MYO5C: variants seen among roughly 807,000 people sequenced by gnomAD.
The protein encoded by MYO5C is unconventional myosin-Vc.
In MYO5C, 194 loss-of-function variants were observed where a neutral mutation model predicts 235.7. The ratio of observed to expected loss-of-function variants is 0.82; its 90% CI spans 0.73 to 0.93. The LOEUF (loss-of-function observed/expected upper bound fraction) is 0.93. Ranked by LOEUF, MYO5C falls within the 40% of genes least tolerant of loss-of-function variation. The probability of loss-of-function intolerance (pLI) is 0.00; values close to 1 mark genes in which losing one functional copy is unlikely to be tolerated. For synonymous variants in MYO5C, 707 were observed against 754.8 expected, an observed-to-expected ratio of 0.94 and a Z score of 1.04; for missense variants, 2,038 against 2,127.2, an observed-to-expected ratio of 0.96 and a Z score of 0.82.
chr15:52,247,903 C>G (rs1200427278), intron 14 of MYO5C, among the ~76,000 whole-genome samples: 2 of 152,182 alleles, frequency 1.3e-5, no homozygotes, highest in Non-Finnish European at 2.9e-5. Context: ...TGTGTCTCCA[C>G]CTGCAATCTC....
chr15:52,272,708 T>C lies in MYO5C; in HGVS notation c.622A>G (p.Lys208Glu). 1 of 1,613,116 alleles carries C rather than the reference T, an allele frequency of 6.2e-7. No individual in the cohort carries two copies. Among genetic ancestry groups the C allele is most frequent in the Non-Finnish European group, 8.5e-7 (1 of 1,179,824 alleles). Reference protein sequence around the residue: ...NPITEAVGNAKTTRNDNSSRF... With the variant: ...NPITEAVGNAETTRNDNSSRF... ...CTACTATTGTCATTGCGGGTGGTCT[T>C]GGCATTTCCAACGGCCTAAAAAAAA... Residue 208 changes from lysine (K) to glutamate (E), a missense_variant, in exon 6 of 41, where the codon AAG becomes GAG. Lys to Glu is a moderately conservative substitution (Grantham distance 56). Coordinates refer to ENST00000261839, the MANE Select transcript of MYO5C (RefSeq NM_018728.4).
chr15:52,244,316 A>T, intron 19 of MYO5C, 40 bp downstream of exon 19: 1 of 1,588,216 alleles, frequency 6.3e-7, no homozygotes. Context: ...CAGCACAGAA[A>T]GCCCCACAGT....
intron 1 of MYO5C, among the ~76,000 whole-genome samples, chr15:52,289,838 C>A (rs894041326): frequency 2.6e-5 from 4 of 152,200 alleles, no homozygotes; most frequent in Admixed American, 6.5e-5. Context: ...CCTGCTCAGG[C>A]CTCACCCTCT....
rs201396260 is a variant in MYO5C at position 52,229,116 on chromosome 15, C to G, written c.3207+17G>C. The G allele has an allele frequency of 5.6e-6, 9 of 1,613,292 alleles. No individual in the cohort carries two copies. The African/African-American group carries it at 8.0e-5, about 14-fold the overall frequency. On this transcript the variant is annotated intron_variant, in intron 25 of 40. Coordinates refer to ENST00000261839, the MANE Select transcript of MYO5C (RefSeq NM_018728.4). Reference sequence around the variant, plus strand: ...GACGTAACCAGAGGGCGGGGCTGAACGTGAGAGCCGCTCTACCTTGACCTG... The same window carrying G: ...GACGTAACCAGAGGGCGGGGCTGAAGGTGAGAGCCGCTCTACCTTGACCTG...
intron 1 of MYO5C, among the ~76,000 whole-genome samples, chr15:52,291,548 C>A (rs911156068): frequency 2.6e-5 from 4 of 151,870 alleles, no homozygotes; most frequent in African/African-American, 4.8e-5. Flanking sequence ...TCAGACTTTC[C>A]CTTTCCCCTT....
rs1444303050 is a variant in MYO5C, at chr15:52,286,045, G to A, written c.28-3153C>T. 4.6e-5 allele frequency among the ~76,000 whole-genome samples: 7 copies of A among 151,568 alleles called. No homozygotes were observed. In the East Asian group the frequency reaches 7.8e-4, roughly 17 times the overall value. On this transcript the variant is annotated intron_variant, in intron 1 of 40. Transcript: ENST00000261839. Reference sequence around the variant, plus strand: ...ATGTGGGGAGCGCCTCTGCCCTGCCGCCCCGTCTGGGATGTGAGGAGCGTC... The same window carrying A: ...ATGTGGGGAGCGCCTCTGCCCTGCCACCCCGTCTGGGATGTGAGGAGCGTC...
chr15:52,251,623 T>G, intron 12 of MYO5C, 108 bp from the exon 13 acceptor site: 1 of 568,272 alleles, frequency 1.8e-6, no homozygotes, highest in Non-Finnish European at 2.9e-6. Flanking sequence ...CTTAGTGAAC[T>G]GCTCTCAATT....
At chr15:52,216,739 C>T (rs191340960) in intron 32 of MYO5C, among the ~76,000 whole-genome samples, 1 of 152,164 alleles carries the variant, frequency 6.6e-6, no homozygotes, top group Non-Finnish European at 1.5e-5. Context: ...CCAGAATGTG[C>T]CTTTATATGG....
chr15:52,240,056 G>A (rs2036178126), intron 20 of MYO5C, among the ~76,000 whole-genome samples, 177 bp from the exon 21 acceptor site: 1 of 152,188 alleles, frequency 6.6e-6, no homozygotes, highest in African/African-American at 2.4e-5. Context: ...CCTGTAGCAG[G>A]TGTATATGAA....
intron 1 of MYO5C, among the ~76,000 whole-genome samples, chr15:52,287,412 GCTTA>G (rs1555421642): frequency 6.6e-6 from 1 of 152,138 alleles, no homozygotes; most frequent in Non-Finnish European, 1.5e-5. Context: ...ACGTCATGAA[GCTTA>G]CTTCATTAAA....
At chr15:52,232,560 A>G in intron 24 of MYO5C, 62 bp downstream of exon 24, 1 of 1,523,636 alleles carries the variant, frequency 6.6e-7, no homozygotes, top group Non-Finnish European at 9.1e-7. Context: ...ACTGAGATGG[A>G]AAATATAAAA....
chr15:52,261,248 C>T (rs2036689389), intron 9 of MYO5C, 121 bp from the exon 10 acceptor site: 2 of 1,176,740 alleles, frequency 1.7e-6, no homozygotes, highest in Admixed American at 5.0e-5. Flanking sequence ...GTAGCTGGCA[C>T]AAGGACGCCC....
At position 52,193,158 on chromosome 15, in the gene MYO5C, C is replaced by CA. The variant is rs1398529197; in HGVS notation, c.*743dup. 6.6e-6 allele frequency: 1 copy of CA among 151,842 alleles called. No individual in the cohort carries two copies. The highest frequency in any genetic ancestry group is 6.6e-5 in the Admixed American group (1 of 15,214). 9.4% of individuals were successfully genotyped at this position (151,842 alleles called of 1,614,324 possible). A position where few individuals can be genotyped will look rare whatever the true frequency, so the allele number is the denominator to read the frequency against. On this transcript the variant is annotated 3_prime_UTR_variant, in exon 41 of 41. Transcript: ENST00000261839. Reference sequence around the variant, plus strand: ...GTGAAACCTGTCTCCACTAAAAATACAAAAATTAGCTGGGCGTGGTGGCAG... The same window carrying CA: ...GTGAAACCTGTCTCCACTAAAAATACAAAAAATTAGCTGGGCGTGGTGGCAG...
chr15:52,278,793 T>C (rs1301736767), intron 4 of MYO5C, 80 bp downstream of exon 4: 1 of 1,538,308 alleles, frequency 6.5e-7, no homozygotes, highest in Non-Finnish European at 8.9e-7. Context: ...AACCTAGATA[T>C]CTCCCCTCCA....
rs572074952 is a variant in MYO5C at position 52,200,483 on chromosome 15, G to A, written c.4821-4000C>T. ...CTTGGGAGGCTGAGGCACGAGAATC[G>A]CTTGAACCCAGGCAGAGGTTGCAGT... On this transcript the variant is annotated intron_variant, in intron 38 of 40. Coordinates refer to ENST00000261839, the MANE Select transcript of MYO5C (RefSeq NM_018728.4). Among the ~76,000 whole-genome samples the A allele has an allele frequency of 3.9e-5, 6 of 152,166 alleles. No homozygotes were observed. In the South Asian group the frequency reaches 8.3e-4, roughly 21 times the overall value.
chr15:52,251,927 A>C (rs117867197), intron 12 of MYO5C, among the ~76,000 whole-genome samples: 8,634 of 152,220 alleles, frequency 0.057, 302 homozygotes, highest in African/African-American at 0.08. Flanking sequence ...GGCCTCCCCA[A>C]AGTGCTGGGG....
intron 14 of MYO5C, among the ~76,000 whole-genome samples, chr15:52,248,158 T>C (rs1433862265): frequency 6.6e-6 from 1 of 152,166 alleles, no homozygotes; most frequent in Non-Finnish European, 1.5e-5. Context: ...TTGTTTTGTT[T>C]TGAGACAGGG....
chr15:52,274,356 G>T (rs2036992192), intron 5 of MYO5C, among the ~76,000 whole-genome samples: 1 of 152,128 alleles, frequency 6.6e-6, no homozygotes, highest in South Asian at 2.1e-4. Flanking sequence ...TTGGCTCACT[G>T]CAACCTCCAC....
intron 35 of MYO5C, among the ~76,000 whole-genome samples, chr15:52,210,502 A>G (rs1596142489): frequency 6.6e-6 from 1 of 152,308 alleles, no homozygotes; most frequent in East Asian, 1.9e-4. Context: ...TTTTTAACAT[A>G]ACTGTAAACT....
Sources: gnomAD v4.1 joint callset for allele counts (sites outside exome capture counted in the v4.1 genomes callset) on GRCh38, gnomAD v4.1.1 for gene constraint, MANE v1.5 for transcripts, NCBI Gene and HGNC (gene_info 2026-07-23, HGNC 2026-07-21) for gene names.